Variants in SLC28A3 observed in about 807,000 individuals in gnomAD.
SLC28A3 encodes the protein solute carrier family 28 member 3.
In SLC28A3, 68 loss-of-function variants were observed where a neutral mutation model predicts 84.2. The ratio of observed to expected loss-of-function variants is 0.81; its 90% CI spans 0.66 to 0.99. SLC28A3 has a LOEUF of 0.99. SLC28A3 is among the 50% of genes least tolerant of loss of function. The pLI, the probability that SLC28A3 is intolerant of heterozygous loss-of-function variation, is 0.00. For missense variants in SLC28A3, 712 were observed against 841.5 expected (o/e 0.85, Z 1.90); for synonymous variants, 267 against 303.6 (o/e 0.88, Z 1.25).
At chr9:84,327,691 C>T (rs1268581628) in intron 1 of SLC28A3, among the ~76,000 whole-genome samples, 1 of 152,076 alleles carries the variant, frequency 6.6e-6, no homozygotes, top group Non-Finnish European at 1.5e-5. Flanking sequence ...CTTTGGGAGG[C>T]CGAGGCAGGT....
At chr9:84,319,421 T>C (rs534454280) in intron 1 of SLC28A3, among the ~76,000 whole-genome samples, 2 of 152,214 alleles carry the variant, frequency 1.3e-5, no homozygotes, top group South Asian at 4.1e-4. Context: ...TCCCAGCACT[T>C]TGGGGGGCTG....
At chr9:84,336,591 G>T (rs1826983945) in intron 1 of SLC28A3, among the ~76,000 whole-genome samples, 1 of 152,200 alleles carries the variant, frequency 6.6e-6, no homozygotes, top group Non-Finnish European at 1.5e-5. Context: ...TGGGAGGATT[G>T]CTTGAGCCTG....
At chr9:84,341,485 G>A (rs374792084), upstream of SLC28A3, among the ~76,000 whole-genome samples, 3 of 152,168 alleles carry the variant, frequency 2.0e-5, no homozygotes, top group African/African-American at 4.8e-5. Flanking sequence ...CTCTTCTTCC[G>A]AACAACTCAA....
intron 4 of SLC28A3, 69 bp from the exon 5 acceptor site, chr9:84,302,458 T>G: frequency 6.6e-7 from 1 of 1,515,954 alleles, no homozygotes; most frequent in Non-Finnish European, 9.0e-7. Context: ...GCTCCAGCCT[T>G]GTTCTGGCGC....
chr9:84,345,085 A>G (rs1827227216), upstream of SLC28A3, among the ~76,000 whole-genome samples: 1 of 152,232 alleles, frequency 6.6e-6, no homozygotes, highest in Non-Finnish European at 1.5e-5. Flanking sequence ...GTTAATATAC[A>G]CAGGGAATAG....
intron 1 of SLC28A3, among the ~76,000 whole-genome samples, chr9:84,327,384 G>C (rs1000840490): frequency 3.4e-5 from 5 of 145,392 alleles, no homozygotes. Flanking sequence ...AAAAAGACTT[G>C]CAGCAATCCA....
At chr9:84,319,723 T>A (rs1438876803) in intron 1 of SLC28A3, among the ~76,000 whole-genome samples, 1 of 152,086 alleles carries the variant, frequency 6.6e-6, no homozygotes, top group Non-Finnish European at 1.5e-5. Context: ...TTAGGCTGAT[T>A]TGTTTGAGTA....
At chr9:84,310,602 A>G (rs764307900) in intron 2 of SLC28A3, 3 of 985,112 alleles carry the variant, frequency 3.0e-6, no homozygotes, top group Admixed American at 6.1e-5. Flanking sequence ...AACAGAAATC[A>G]TAGAAATAAA....
the SLC28A3 span, among the ~76,000 whole-genome samples, chr9:84,349,870 C>G: frequency 6.6e-6 from 1 of 152,158 alleles, no homozygotes; most frequent in Non-Finnish European, 1.5e-5. Flanking sequence ...AGATGACAAT[C>G]TTTTTTAATA....
the SLC28A3 span, among the ~76,000 whole-genome samples, chr9:84,353,360 A>G: frequency 2.0e-5 from 3 of 152,200 alleles, no homozygotes; most frequent in East Asian, 1.9e-4. Flanking sequence ...AAGTTGAAGT[A>G]TAACTTGGGA....
At chr9:84,288,206 C>G in intron 11 of SLC28A3, 28 bp from the exon 12 acceptor site, 1 of 1,613,166 alleles carries the variant, frequency 6.2e-7, no homozygotes, top group Non-Finnish European at 8.5e-7. Flanking sequence ...AGAAGGCAAA[C>G]CTGGGATTAG....
chr9:84,281,462 C>T (rs1227335555), intron 14 of SLC28A3, among the ~76,000 whole-genome samples: 3 of 152,112 alleles, frequency 2.0e-5, no homozygotes, highest in East Asian at 3.9e-4. Context: ...ACTACTATGC[C>T]TCCACTAAAA....
chr9:84,346,517 C>T, the SLC28A3 span, among the ~76,000 whole-genome samples: 1 of 152,104 alleles, frequency 6.6e-6, no homozygotes, highest in Non-Finnish European at 1.5e-5. Flanking sequence ...TGCAGATTAA[C>T]CTTTGTCTAT....
chr9:84,292,697 C>T lies in SLC28A3; in HGVS notation c.994G>A (p.Val332Ile). 2 of 1,609,842 alleles carry T rather than the reference C, an allele frequency of 1.2e-6. No individual in the cohort carries two copies. Among genetic ancestry groups the T allele is most frequent in the East Asian group, 2.2e-5 (1 of 44,530 alleles). ...TTGSSPIESV[V>I]ASGNIFVGQT... The stretch of plus-strand genomic sequence containing the variant: ...CCAACAAATATATTGCCAGAAGCAA[C>T]TACAGATTCAATAGGAGATGATCCC... Residue 332 changes from valine (V) to isoleucine (I), a missense_variant, in exon 10 of 18, where the codon GTT becomes ATT. Transcript: ENST00000376238.
intron 1 of SLC28A3, among the ~76,000 whole-genome samples, chr9:84,325,971 A>C (rs1454821388): frequency 6.6e-6 from 1 of 152,214 alleles, no homozygotes; most frequent in Non-Finnish European, 1.5e-5. Context: ...TCTTATAAGG[A>C]CTAGGTTAAA....
At chr9:84,306,117 C>T (rs57496128) in intron 3 of SLC28A3, among the ~76,000 whole-genome samples, 1,875 of 152,182 alleles carry the variant, frequency 0.012, 37 homozygotes, top group African/African-American at 0.043. Flanking sequence ...GGGATCTTCT[C>T]GTTCCTGTGT....
chr9:84,343,265 C>T (rs1827199987), upstream of SLC28A3, among the ~76,000 whole-genome samples: 13 of 152,202 alleles, frequency 8.5e-5, 1 homozygote, highest in South Asian at 2.7e-3. Flanking sequence ...GAAGTCCAAC[C>T]CTCCGTTTCT....
chr9:84,302,889 G>A (rs753796958), intron 4 of SLC28A3, among the ~76,000 whole-genome samples: 5 of 152,144 alleles, frequency 3.3e-5, no homozygotes, highest in Non-Finnish European at 7.4e-5. Context: ...AAAAGAGGTA[G>A]GGGCAATTAC....
intron 10 of SLC28A3, 106 bp from the exon 11 acceptor site, chr9:84,290,385 A>G: frequency 7.1e-7 from 1 of 1,413,718 alleles, no homozygotes; most frequent in Non-Finnish European, 9.5e-7. Context: ...GACAGTTTCT[A>G]AGAGTGAACC....
Sources: allele counts gnomAD v4.1 joint callset (sites outside exome capture counted in the v4.1 genomes callset), GRCh38; gene constraint gnomAD v4.1.1; transcripts MANE v1.5; gene names NCBI Gene and HGNC (gene_info 2026-07-23, HGNC 2026-07-21).